Variants in EPN3 observed in about 807,000 individuals in gnomAD.
EPN3 encodes the protein epsin 3.
In EPN3, 56 loss-of-function variants were observed where a neutral mutation model predicts 55.5. The ratio of observed to expected loss-of-function variants is 1.01; its 90% CI spans 0.81 to 1.26. EPN3 has a LOEUF of 1.26. Ranked by LOEUF, EPN3 falls within the 50% of genes most tolerant of loss-of-function variation. The pLI is 0.00. For synonymous variants in EPN3, 449 were observed against 375.2 expected (o/e 1.20, Z -2.27); for missense variants, 927 against 853.4 (o/e 1.09, Z -1.07).
chr17:50,539,420 G>A, intron 5 of EPN3, 105 bp downstream of exon 5: 1 of 1,505,274 alleles, frequency 6.6e-7, no homozygotes, highest in East Asian at 2.3e-5. Context: ...AAGCACTGAT[G>A]TGTTTATTCG....
At position 50,541,062 on chromosome 17, in the gene EPN3, G is replaced by A. The variant is rs549248602; in HGVS notation, c.1249G>A (p.Gly417Ser). 5 of 1,573,862 alleles carry A rather than the reference G, an allele frequency of 3.2e-6. No individual in the cohort carries two copies. Among genetic ancestry groups the A allele is most frequent in the Non-Finnish European group, 4.3e-6 (5 of 1,161,482 alleles). ...CTCCCTGGAGACCTCCGACACACCTGGTAAGAAGAGGGCCAGAGAGTGTGA... is the reference window on the plus strand; with the variant it reads ...CTCCCTGGAGACCTCCGACACACCTAGTAAGAAGAGGGCCAGAGAGTGTGA... ...GASLETSDTP[G>S]GASTFDPFAK... Residue 417 changes from glycine (G) to serine (S), a missense_variant and splice_region_variant, in exon 7 of 10, where the codon GGT (glycine) becomes AGT (serine). Coordinates refer to ENST00000268933, the MANE Select transcript of EPN3 (RefSeq NM_017957.3).
rs370739073 is a variant in EPN3, at chr17:50,539,252, T to G, written c.828T>G (p.His276Gln). The G allele has an allele frequency of 2.8e-5, 45 of 1,613,966 alleles. No homozygotes were observed. The highest frequency in any genetic ancestry group is 1.3e-5 in the African/African-American group (1 of 74,866). Residue 276 changes from histidine (H) to glutamine (Q), a missense_variant, in exon 5 of 10, where the codon CAT becomes CAG. By Grantham distance (24) the His-to-Gln change is conservative. Transcript: ENST00000268933. ...MANGAGAVVH[H>Q]QRDREPEREE... ...ATGGTGCAGGGGCCGTGGTCCACCA[T>G]CAGCGGGACAGAGAGCCTGAGAGAG...
At chr17:50,538,853 G>C (rs1393461505) in intron 3 of EPN3, 31 bp from the exon 4 acceptor site, 8 of 1,537,848 alleles carry the variant, frequency 5.2e-6, no homozygotes, top group Middle Eastern at 3.5e-4. Flanking sequence ...TGGGGGTACA[G>C]GGCCAAGTTT....
In EPN3 at chr17:50,542,008, A is replaced by T. The variant is rs753927097; in HGVS notation, c.1750A>T (p.Ser584Cys). 8 of 1,598,138 alleles carry T rather than the reference A, an allele frequency of 5.0e-6. No individual in the cohort carries two copies. Among genetic ancestry groups the T allele is most frequent in the Non-Finnish European group, 5.9e-6 (7 of 1,178,836 alleles). ...TYSASLPLPLSSVPAGLTLPA... is the reference protein window; with the variant it reads ...TYSASLPLPLCSVPAGLTLPA... Reference sequence around the variant, plus strand: ...CAGCGCCTCTCTGCCCCTCCCGCTCAGCAGCGTGCCAGCTGGCTTGACCCT... The same window carrying T: ...CAGCGCCTCTCTGCCCCTCCCGCTCTGCAGCGTGCCAGCTGGCTTGACCCT... Residue 584 changes from serine (S) to cysteine (C), a missense_variant, in exon 10 of 10, where the codon AGC becomes TGC. Physicochemically the swap from Ser to Cys is moderately radical, Grantham distance 112 (BLOSUM62 -1). Coordinates refer to ENST00000268933, the MANE Select transcript of EPN3 (RefSeq NM_017957.3).
At position 50,532,806 on chromosome 17, in the gene EPN3, C is replaced by A; in HGVS notation, c.-316C>A. On this transcript the variant is annotated 5_prime_UTR_variant, in exon 1 of 10. Coordinates refer to ENST00000268933, the MANE Select transcript of EPN3 (RefSeq NM_017957.3). ...GCTGCTACCCATTCCAGGGACCCTG[C>A]CGCTGCCCCTCTGAGGGGTCTGCAC... 2 of 1,055,856 alleles carry A rather than the reference C, an allele frequency of 1.9e-6. No individual in the cohort carries two copies. The highest frequency in any genetic ancestry group is 2.5e-6 in the Non-Finnish European group (2 of 798,764). The allele number at this position is 1,055,856 out of a possible 1,614,324, so 65.4% of individuals were successfully genotyped here.
chr17:50,537,486 A>C, intron 2 of EPN3: 1 of 269,232 alleles, frequency 3.7e-6, no homozygotes, highest in South Asian at 5.8e-5. Context: ...AAGCTCACCT[A>C]CCTCCATTGT....
chr17:50,540,883 G>T lies in EPN3; in HGVS notation c.1070G>T (p.Arg357Leu). Residue 357 changes from arginine (R) to leucine (L), a missense_variant, in exon 7 of 10, where the codon CGA becomes CTA. Physicochemically the swap from Arg to Leu is moderately radical, Grantham distance 102. Transcript: ENST00000268933. ...ATCCCCTCAGGAACCGTCCTGTCCC[G>T]AAGCCAGCCCTGGGATCTGACTCCC... is the stretch of plus-strand genomic sequence containing the variant. Reference protein sequence around the residue: ...SPIPSGTVLSRSQPWDLTPML... With the variant: ...SPIPSGTVLSLSQPWDLTPML... The T allele has an allele frequency of 6.2e-7, 1 of 1,614,138 alleles. No individual in the cohort carries two copies. The highest frequency in any genetic ancestry group is 8.5e-7 in the Non-Finnish European group (1 of 1,180,018).
Position 50,542,127 on chromosome 17 carries a change from C to T in EPN3, c.1869C>T (p.Pro623=). Residue 623 remains proline (P), a synonymous_variant, in exon 10 of 10, where the codon CCC becomes CCT. Transcript: ENST00000268933. ...GCTCAGCCGGGCCGCGGCCCCCGCCCCCGCAGACCGGCACCAACCCCTTCC... is the reference window on the plus strand; with the variant it reads ...GCTCAGCCGGGCCGCGGCCCCCGCCTCCGCAGACCGGCACCAACCCCTTCC... ...TPSSAGPRPP[P]PQTGTNPFL 4 of 1,520,244 alleles carry T rather than the reference C, an allele frequency of 2.6e-6. No homozygotes were observed. The highest frequency in any genetic ancestry group is 3.5e-6 in the Non-Finnish European group (4 of 1,142,450). The allele number at this position is 1,520,244 out of a possible 1,614,324, so 94.2% of individuals were successfully genotyped here.
At chr17:50,533,796 C>T (rs1008860470) in intron 1 of EPN3, among the ~76,000 whole-genome samples, 1 of 102,304 alleles carries the variant, frequency 9.8e-6, no homozygotes, top group African/African-American at 2.8e-5. Context: ...TCAGCTTCCT[C>T]CCTCCTCTGC....
chr17:50,539,392 C>A, intron 5 of EPN3, 77 bp downstream of exon 5: 1 of 1,591,654 alleles, frequency 6.3e-7, no homozygotes, highest in Non-Finnish European at 8.6e-7. Flanking sequence ...GAGAGCAGAG[C>A]AGTGCCTGGC....
chr17:50,538,224 G>A, intron 3 of EPN3, 27 bp downstream of exon 3: 3 of 1,580,246 alleles, frequency 1.9e-6, no homozygotes, highest in Non-Finnish European at 1.7e-6. Context: ...CCACTGCGGT[G>A]GGGAGGGGAT....
rs746023268 is a variant in EPN3 at position 50,542,076 on chromosome 17, A to ACCGCCCCCAGCTGGCCTG, written c.1822_1823insCCCCAGCTGGCCTGCCGC (p.Pro607_Gln608insProProAlaGlyLeuPro). On this transcript the variant is annotated inframe_insertion, in exon 10 of 10. Transcript: ENST00000268933. ...TCTTCCCGCAGGCCGGAGCCTTCGC[A>ACCGCCCCCAGCTGGCCTG]CCGCAGCCGCTGCTGCCCACGCCGA... 3.9e-4 allele frequency: 621 copies of ACCGCCCCCAGCTGGCCTG among 1,580,266 alleles called. 2 individuals carry two copies. In the African/African-American group the frequency reaches 6.7e-3, roughly 17 times the overall value.
intron 5 of EPN3, among the ~76,000 whole-genome samples, chr17:50,539,788 T>A (rs1436781028): frequency 6.6e-6 from 1 of 152,242 alleles, no homozygotes; most frequent in East Asian, 1.9e-4. Context: ...CCTCCAAAGC[T>A]GTCCATGCCA....
chr17:50,541,594 T>G lies in EPN3; in HGVS notation c.1485T>G (p.Thr495=), dbSNP rs763579021. 5.6e-6 allele frequency: 9 copies of G among 1,614,072 alleles called. No homozygotes were observed. The East Asian group carries it at 2.0e-4, about 36-fold the overall frequency. The change falls in exon 9 of 10, where the codon ACT becomes ACG. Residue 495 remains threonine (T), a synonymous_variant. Transcript: ENST00000268933. ...QPSKEARACR[T]PESFLGPSAS... ...GCAAAGAGGCCCGAGCTTGCCGGAC[T>G]CCCGAGTCCTTCCTGGGTCCCTCAG...
chr17:50,539,167 T>A lies in EPN3; in HGVS notation c.763-20T>A. 1 of 1,613,310 alleles carries A rather than the reference T, an allele frequency of 6.2e-7. No homozygotes were observed. Among genetic ancestry groups the A allele is most frequent in the Non-Finnish European group, 8.5e-7 (1 of 1,179,840 alleles). The stretch of plus-strand genomic sequence containing the variant: ...CGCCTGAGCTGCTCATGCTCCTAAC[T>A]CTTTCTGTGCCTTCTGCAGGAGGTG... On this transcript the variant is annotated intron_variant, in intron 4 of 9. Transcript: ENST00000268933.
chr17:50,533,638 ACT>A (rs1436362880), intron 1 of EPN3, among the ~76,000 whole-genome samples: 1 of 150,486 alleles, frequency 6.6e-6, no homozygotes, highest in East Asian at 2.0e-4. Context: ...CTTTTGGGAA[ACT>A]CTCCAGATCC....
intron 9 of EPN3, 30 bp downstream of exon 9, chr17:50,541,724 G>T: frequency 6.2e-7 from 1 of 1,611,594 alleles, no homozygotes; most frequent in Non-Finnish European, 8.5e-7. Context: ...CTCAACCCAG[G>T]GGCTCCTGCT....
At position 50,536,735 on chromosome 17, in the gene EPN3, T is replaced by C; in HGVS notation, c.179T>C (p.Leu60Pro). The C allele has an allele frequency of 6.2e-7, 1 of 1,614,102 alleles. No homozygotes were observed. The highest frequency in any genetic ancestry group is 8.5e-7 in the Non-Finnish European group (1 of 1,180,024). ...TVAFTEVMGM[L>P]WRRLNDSGKN... ...GCCTTCACCGAAGTCATGGGCATGC[T>C]GTGGCGGCGGCTCAATGACAGCGGC... Residue 60 changes from leucine (L) to proline (P), a missense_variant, in exon 2 of 10, where the codon CTG becomes CCG. By Grantham distance (98) the Leu-to-Pro change is moderately conservative. Transcript: ENST00000268933.
intron 9 of EPN3, 52 bp from the exon 10 acceptor site, chr17:50,541,792 C>T (rs914624793): frequency 3.1e-6 from 5 of 1,609,502 alleles, no homozygotes; most frequent in Non-Finnish European, 3.4e-6. Context: ...CCACGACCTC[C>T]CGGTGTAGGG....
Sources: gnomAD v4.1 joint callset for allele counts (sites outside exome capture counted in the v4.1 genomes callset) on GRCh38, gnomAD v4.1.1 for gene constraint, MANE v1.5 for transcripts, NCBI Gene and HGNC (gene_info 2026-07-23, HGNC 2026-07-21) for gene names.